Variants in RFX3 observed in about 807,000 individuals in gnomAD.
The protein encoded by RFX3 is regulatory factor X3, also known as transcription factor RFX3.
A neutral mutation model predicts 98.6 loss-of-function variants in RFX3; 14 were observed. The observed-to-expected ratio is 0.14, with a 90% confidence interval of 0.09 to 0.22. The LOEUF is 0.22. RFX3 is among the 10% of genes least tolerant of loss of function. The pLI, the probability that RFX3 is intolerant of heterozygous loss-of-function variation, is 1.00. For missense variants in RFX3, 639 were observed against 926.9 expected (o/e 0.69, Z 4.03); for synonymous variants, 383 against 328.4 (o/e 1.17, Z -1.80).
chr9:3,278,619 A>G (rs1825537296), intron 7 of RFX3, among the ~76,000 whole-genome samples: 1 of 151,888 alleles, frequency 6.6e-6, no homozygotes, highest in South Asian at 2.1e-4. Context: ...TGCTGACAAC[A>G]AATATGAAGT....
chr9:3,304,073 A>C (rs1286361277), intron 4 of RFX3, among the ~76,000 whole-genome samples: 1 of 152,028 alleles, frequency 6.6e-6, no homozygotes, highest in African/African-American at 2.4e-5. Flanking sequence ...CAGCCTCAGC[A>C]TGCATGTTGG....
intron 2 of RFX3, among the ~76,000 whole-genome samples, chr9:3,359,616 G>A (rs1007390851): frequency 6.6e-6 from 1 of 151,888 alleles, no homozygotes; most frequent in African/African-American, 2.4e-5. Context: ...TATATTTGTT[G>A]GTATGTTCCC....
chr9:3,275,762 A>T (rs1825126444), intron 8 of RFX3, 150 bp from the exon 9 acceptor site: 1 of 528,886 alleles, frequency 1.9e-6, no homozygotes, highest in Non-Finnish European at 3.4e-6. Context: ...AATATTTTAC[A>T]AGTAAAACTA....
intron 1 of RFX3, among the ~76,000 whole-genome samples, chr9:3,451,316 T>C (rs1846605603): frequency 6.6e-6 from 1 of 152,082 alleles, no homozygotes; most frequent in Admixed American, 6.5e-5. Flanking sequence ...GAGGCTGAAG[T>C]AGGAAGTTCA....
chr9:3,433,518 G>T (rs947010087), intron 1 of RFX3, among the ~76,000 whole-genome samples: 1 of 152,140 alleles, frequency 6.6e-6, no homozygotes, highest in African/African-American at 2.4e-5. Flanking sequence ...TTATTGGCAA[G>T]CCTATTAATA....
intron 3 of RFX3, among the ~76,000 whole-genome samples, chr9:3,339,014 G>C (rs1411042293): frequency 6.6e-6 from 1 of 151,950 alleles, no homozygotes; most frequent in Non-Finnish European, 1.5e-5. Flanking sequence ...GCTTGAACCT[G>C]GAAGGCAGAG....
intron 5 of RFX3, among the ~76,000 whole-genome samples, 188 bp from the exon 6 acceptor site, chr9:3,293,446 G>A (rs1381641498): frequency 6.6e-6 from 1 of 152,150 alleles, no homozygotes; most frequent in Non-Finnish European, 1.5e-5. Context: ...GTAAATAGCT[G>A]AACATCACTA....
chr9:3,299,293 G>C (rs1001337525), intron 5 of RFX3, among the ~76,000 whole-genome samples: 1 of 151,666 alleles, frequency 6.6e-6, no homozygotes, highest in Non-Finnish European at 1.5e-5. Context: ...AGTTGTTTTT[G>C]ATAAATCTCA....
chr9:3,515,910 C>T (rs1220216377), intron 1 of RFX3, among the ~76,000 whole-genome samples: 1 of 152,044 alleles, frequency 6.6e-6, no homozygotes, highest in Non-Finnish European at 1.5e-5. Context: ...AATATACTCC[C>T]CTATTAGGCT....
intron 1 of RFX3, among the ~76,000 whole-genome samples, chr9:3,415,035 T>C (rs1842848191): frequency 7.6e-6 from 1 of 131,220 alleles, no homozygotes; most frequent in South Asian, 2.3e-4. Context: ...TATATTTACT[T>C]TTATATATAT....
At chr9:3,380,541 C>T (rs1465505838) in intron 2 of RFX3, among the ~76,000 whole-genome samples, 1 of 152,182 alleles carries the variant, frequency 6.6e-6, no homozygotes, top group African/African-American at 2.4e-5. Context: ...ATTTGCTTAA[C>T]ACCATATAGC....
intron 7 of RFX3, among the ~76,000 whole-genome samples, chr9:3,277,802 C>A (rs80305699): frequency 3.2e-3 from 482 of 151,968 alleles, no homozygotes; most frequent in African/African-American, 0.011. Context: ...TTTTAATGGT[C>A]AATGGATATA....
chr9:3,465,675 A>G (rs1211625377), intron 1 of RFX3, among the ~76,000 whole-genome samples: 1 of 152,114 alleles, frequency 6.6e-6, no homozygotes, highest in East Asian at 1.9e-4. Flanking sequence ...AATCAAAGCT[A>G]TTATTCCTAT....
chr9:3,488,364 G>A (rs750389698), intron 1 of RFX3, among the ~76,000 whole-genome samples: 1 of 152,018 alleles, frequency 6.6e-6, no homozygotes, highest in Non-Finnish European at 1.5e-5. Flanking sequence ...GTATACTATG[G>A]AAACGCTTTT....
intron 1 of RFX3, among the ~76,000 whole-genome samples, chr9:3,495,458 T>A (rs1430793196): frequency 6.6e-6 from 1 of 152,100 alleles, no homozygotes; most frequent in Non-Finnish European, 1.5e-5. Context: ...CTCTGAAATT[T>A]AACATTTCTG....
At chr9:3,478,380 G>A (rs538662623) in intron 1 of RFX3, among the ~76,000 whole-genome samples, 2 of 145,738 alleles carry the variant, frequency 1.4e-5, no homozygotes, top group Non-Finnish European at 3.0e-5. Context: ...ATTCCCCGTA[G>A]TGTGTGGCCA....
chr9:3,456,923 TG>T (rs1847213890), intron 1 of RFX3, among the ~76,000 whole-genome samples: 1 of 150,694 alleles, frequency 6.6e-6, no homozygotes, highest in Non-Finnish European at 1.5e-5. Context: ...CTGAGGCGGG[TG>T]GATCATGAGG....
intron 1 of RFX3, among the ~76,000 whole-genome samples, chr9:3,508,690 G>C (rs2133810199): frequency 6.6e-6 from 1 of 152,068 alleles, no homozygotes; most frequent in East Asian, 1.9e-4. Flanking sequence ...TTTACACCTT[G>C]TTAAAAGCAA....
At chr9:3,289,967 T>A (rs956699915) in intron 6 of RFX3, among the ~76,000 whole-genome samples, 1 of 152,094 alleles carries the variant, frequency 6.6e-6, no homozygotes, top group African/African-American at 2.4e-5. Context: ...ATTTGCCTCA[T>A]GATTTATATT....
Sources: gnomAD v4.1 joint callset for allele counts (sites outside exome capture counted in the v4.1 genomes callset) on GRCh38, gnomAD v4.1.1 for gene constraint, MANE v1.5 for transcripts, NCBI Gene and HGNC (gene_info 2026-07-23, HGNC 2026-07-21) for gene names.